PRKN: variants seen among roughly 807,000 people sequenced by gnomAD.
The protein encoded by PRKN is parkin RBR E3 ubiquitin protein ligase, also known as E3 ubiquitin-protein ligase parkin.
Under a neutral mutation model 59.5 loss-of-function variants are expected in PRKN, and 56 were observed. That is an observed-to-expected ratio of 0.94 (90% CI 0.76 to 1.18). PRKN has a LOEUF of 1.18. Ranked by LOEUF, PRKN falls within the 50% of genes most tolerant of loss-of-function variation. The pLI, the probability that PRKN is intolerant of heterozygous loss-of-function variation, is 0.00. For missense variants in PRKN, 657 were observed against 596.4 expected, an observed-to-expected ratio of 1.10 and a Z score of -1.06; for synonymous variants, 250 against 222.1, an observed-to-expected ratio of 1.13 and a Z score of -1.12.
intron 4 of PRKN, among the ~76,000 whole-genome samples, chr6:162,146,201 T>C (rs1401087514): frequency 2.6e-5 from 4 of 152,130 alleles, no homozygotes; most frequent in South Asian, 4.1e-4. Context: ...CCAGCAAACA[T>C]ATGCTAAAGA....
chr6:161,611,055 C>T (rs6924602), intron 7 of PRKN, among the ~76,000 whole-genome samples: 101,538 of 152,084 alleles, frequency 0.67, 35,474 homozygotes, highest in African/African-American at 0.89. Flanking sequence ...CTTGTTCTCA[C>T]GTCTAAAGCC....
chr6:161,675,619 T>G (rs559648176), intron 7 of PRKN, among the ~76,000 whole-genome samples: 2 of 152,300 alleles, frequency 1.3e-5, no homozygotes, highest in East Asian at 3.9e-4. Context: ...CTTGTCAACC[T>G]GTTATATGCT....
intron 5 of PRKN, among the ~76,000 whole-genome samples, chr6:162,021,152 AT>A (rs1783155680): frequency 2.2e-4 from 4 of 17,908 alleles, no homozygotes; most frequent in South Asian, 1.8e-3. Flanking sequence ...ATATATATAT[AT>A]ATATATATAT....
rs185819096 is a variant in PRKN at position 161,422,626 on chromosome 6, T to C, written c.1084-35749A>G. On this transcript the variant is annotated intron_variant, in intron 9 of 11. Coordinates refer to ENST00000366898, the MANE Select transcript of PRKN (RefSeq NM_004562.3). ...TTTCTTGTTTCTTTTTTATTCCCCC[T>C]TTCTCTGCTGAAAGAATTATGAAGA... 3.2e-3 allele frequency among the ~76,000 whole-genome samples: 491 copies of C among 152,124 alleles called. 2 individuals carry two copies. Among genetic ancestry groups the C allele is most frequent in the Non-Finnish European group, 2.8e-3 (192 of 68,018 alleles).
Position 162,603,531 on chromosome 6 carries a change from C to CA in PRKN, c.7+124130dup, listed in dbSNP as rs540268612. On this transcript the variant is annotated intron_variant, in intron 1 of 11. Transcript: ENST00000366898. ...ATGGGACAAAGAACCTTACGGCCCCCAAAGCTGAAAATATTTACCACGTAT... is the reference window on the plus strand; with the variant it reads ...ATGGGACAAAGAACCTTACGGCCCCCAAAAGCTGAAAATATTTACCACGTAT... Among the ~76,000 whole-genome samples, 1,072 of 152,258 alleles carry CA rather than the reference C, an allele frequency of 7.0e-3. 8 individuals are homozygous for CA. The highest frequency in any genetic ancestry group is 0.011 in the Non-Finnish European group (760 of 68,020).
intron 4 of PRKN, among the ~76,000 whole-genome samples, chr6:162,157,417 T>C (rs1782559728): frequency 6.6e-6 from 1 of 151,782 alleles, no homozygotes; most frequent in Non-Finnish European, 1.5e-5. Context: ...AGTGTTCTGT[T>C]CATGCCTCAT....
At chr6:162,700,180 T>C (rs1044585956) in intron 1 of PRKN, among the ~76,000 whole-genome samples, 5 of 152,192 alleles carry the variant, frequency 3.3e-5, no homozygotes, top group African/African-American at 7.2e-5. Flanking sequence ...TCTCCTGCAA[T>C]TGCCCCATGC....
At position 161,849,250 on chromosome 6, in the gene PRKN, C is replaced by T. The variant is rs147644073; in HGVS notation, c.735-63342G>A. Among the ~76,000 whole-genome samples the T allele has an allele frequency of 1.5e-3, 231 of 152,274 alleles. 1 individual carries two copies. Among genetic ancestry groups the T allele is most frequent in the African/African-American group, 5.0e-3 (206 of 41,562 alleles). ...TCCTAGTCTGCGTGACGGACCCCCA[C>T]GCCTGGTCCAGTCCACAGGTGCCAT... On this transcript the variant is annotated intron_variant, in intron 6 of 11. Transcript: ENST00000366898.
rs1785805315 is a variant in PRKN, at chr6:161,378,179, T to G, written c.1167+8615A>C. ...AGACCCATGGGAGGGGCAGGACATGTCCGCATGTTTGCACAGCATGGCAGA... is the reference window on the plus strand; with the variant it reads ...AGACCCATGGGAGGGGCAGGACATGGCCGCATGTTTGCACAGCATGGCAGA... On this transcript the variant is annotated intron_variant, in intron 10 of 11. Transcript: ENST00000366898. The surrounding 1 kb of genome is among the most constrained non-coding windows in gnomAD (Gnocchi z 7.3). 6.6e-6 allele frequency among the ~76,000 whole-genome samples: 1 copy of G among 152,068 alleles called. No individual in the cohort carries two copies. The highest frequency in any genetic ancestry group is 2.4e-5 in the African/African-American group (1 of 41,394).
chr6:161,716,101 G>A, intron 7 of PRKN: 1 of 1,347,698 alleles, frequency 7.4e-7, no homozygotes, highest in Non-Finnish European at 9.8e-7. Flanking sequence ...TCCCCCCAGA[G>A]CTCCTCTAAG....
intron 1 of PRKN, among the ~76,000 whole-genome samples, chr6:162,515,769 A>C (rs1404980969): frequency 1.3e-5 from 2 of 152,088 alleles, no homozygotes; most frequent in Non-Finnish European, 2.9e-5. Context: ...GGAGTTATTA[A>C]ACAAATAAAC....
At chr6:161,866,450 C>A (rs1231023983) in intron 6 of PRKN, among the ~76,000 whole-genome samples, 1 of 152,060 alleles carries the variant, frequency 6.6e-6, no homozygotes, top group Non-Finnish European at 1.5e-5. Context: ...TGGCGCATGC[C>A]TGTAGTCCCA....
At chr6:162,362,615 T>C (rs1278906740) in intron 2 of PRKN, among the ~76,000 whole-genome samples, 1 of 152,118 alleles carries the variant, frequency 6.6e-6, no homozygotes, top group East Asian at 1.9e-4. Flanking sequence ...TTCTGTTAGA[T>C]AAATCAGACT....
intron 7 of PRKN, among the ~76,000 whole-genome samples, chr6:161,589,408 A>G (rs1781634859): frequency 6.6e-6 from 1 of 152,196 alleles, no homozygotes; most frequent in Admixed American, 6.5e-5. Context: ...AAACATCATC[A>G]AATAAACCTA....
intron 7 of PRKN, among the ~76,000 whole-genome samples, chr6:161,680,750 TATATATATATATA>T (rs1785299226): frequency 2.0e-4 from 4 of 19,970 alleles, no homozygotes; most frequent in African/African-American, 7.3e-4. Flanking sequence ...TATATATATA[TATATATATATATA>T]TATATATATA....
chr6:161,671,424 A>G (rs1431724718), intron 7 of PRKN, among the ~76,000 whole-genome samples: 1 of 152,168 alleles, frequency 6.6e-6, no homozygotes, highest in Non-Finnish European at 1.5e-5. Context: ...CATCCGCGGC[A>G]TGGAGCTTCT....
At chr6:162,118,882 C>CTCATGGTATTTCCATGTCCAAAAGT (rs1780788421) in intron 4 of PRKN, among the ~76,000 whole-genome samples, 1 of 152,138 alleles carries the variant, frequency 6.6e-6, no homozygotes. Context: ...CAGTCTAGAG[C>CTCATGGTATTTCCATGTCCAAAAGT]ACACATAGAC....
At chr6:162,208,994 C>T (rs574348412) in intron 3 of PRKN, among the ~76,000 whole-genome samples, 1 of 152,126 alleles carries the variant, frequency 6.6e-6, no homozygotes, top group South Asian at 2.1e-4. Context: ...CCATAAAAAC[C>T]CTAGAAGAAA....
chr6:162,379,299 T>C (rs1022509106), intron 2 of PRKN, among the ~76,000 whole-genome samples: 2 of 152,136 alleles, frequency 1.3e-5, no homozygotes, highest in African/African-American at 4.8e-5. Flanking sequence ...TCTCACATGG[T>C]TCCTATGGGC....
Sources: allele counts gnomAD v4.1 joint callset (sites outside exome capture counted in the v4.1 genomes callset), GRCh38; gene constraint gnomAD v4.1.1; non-coding constraint Gnocchi (gnomAD v3.1); transcripts MANE v1.5; gene names NCBI Gene and HGNC (gene_info 2026-07-23, HGNC 2026-07-21).